The following CPZ variants were observed in gnomAD, a reference collection of about 807,000 sequenced individuals.
The protein encoded by CPZ is carboxypeptidase Z.
A neutral mutation model predicts 61.8 loss-of-function variants in CPZ; 103 were observed. The ratio of observed to expected loss-of-function variants is 1.67; its 90% confidence interval spans 1.42 to 1.96. CPZ has a LOEUF of 1.96. Among genes scored for constraint, CPZ ranks in the 30% most tolerant of loss-of-function variants. The pLI, the probability that CPZ is intolerant of heterozygous loss-of-function variation, is 0.00. For synonymous variants in CPZ, 551 were observed against 373.7 expected (o/e 1.47, Z -5.47); for missense variants, 1,461 against 914.9 (o/e 1.60, Z -7.70).
At chr4:8,618,551 C>T in intron 10 of CPZ, 23 bp downstream of exon 10, 1 of 1,606,922 alleles carries the variant, frequency 6.2e-7, no homozygotes, top group South Asian at 1.1e-5. Context: ...CTGGCTGTCC[C>T]CTGGGGACCA....
rs1488542181 is a variant in CPZ, at chr4:8,606,872, A to G, written c.1042A>G (p.Ile348Val). 2.5e-6 allele frequency: 4 copies of G among 1,612,672 alleles called. No homozygotes were observed. Among genetic ancestry groups the G allele is most frequent in the East Asian group, 2.2e-5 (1 of 44,844 alleles). The part of the protein sequence containing the change: ...TRGARSDHIP[I>V]PQHYWWGKVA... Reference sequence around the variant, plus strand: ...CGGCGCACGCAGCGACCACATCCCCATCCCCCAGCACTACTGGTGGGGTAA... The same window carrying G: ...CGGCGCACGCAGCGACCACATCCCCGTCCCCCAGCACTACTGGTGGGGTAA... The change falls in exon 6 of 11, where the codon ATC becomes GTC. Residue 348 changes from isoleucine (I) to valine (V), a missense_variant. Ile to Val is a conservative substitution (Grantham distance 29, BLOSUM62 3). Coordinates refer to ENST00000360986, the MANE Select transcript of CPZ (RefSeq NM_001014447.3).
chr4:8,611,869 T>C (rs1404818041), intron 7 of CPZ, among the ~76,000 whole-genome samples, 158 bp from the exon 8 acceptor site: 1 of 152,034 alleles, frequency 6.6e-6, no homozygotes, highest in Non-Finnish European at 1.5e-5. Context: ...CTGTGTCCTC[T>C]GCAGGACACC....
At chr4:8,599,395 C>T in intron 1 of CPZ, 58 bp from the exon 2 acceptor site, 3 of 1,540,558 alleles carry the variant, frequency 1.9e-6, no homozygotes, top group Admixed American at 1.9e-5. Context: ...CCGTGTGTTG[C>T]CCGGTGAGTG....
chr4:8,593,660 C>T (rs1257216905), intron 1 of CPZ, among the ~76,000 whole-genome samples: 2 of 152,100 alleles, frequency 1.3e-5, no homozygotes, highest in African/African-American at 2.4e-5. Flanking sequence ...GGAGTGGGGC[C>T]GTGTGTGGGT....
At chr4:8,594,775 CTTT>C (rs35276800) in intron 1 of CPZ, among the ~76,000 whole-genome samples, 59 of 141,756 alleles carry the variant, frequency 4.2e-4, no homozygotes, top group African/African-American at 3.9e-4. Flanking sequence ...ATAACAAATT[CTTT>C]TTTTTTTTTT....
At chr4:8,611,288 G>A in intron 7 of CPZ, 1 of 456,248 alleles carries the variant, frequency 2.2e-6, no homozygotes, top group Non-Finnish European at 4.4e-6. Flanking sequence ...GGGACTTACA[G>A]ACGGCCCAGA....
chr4:8,614,679 C>T (rs1716014815), intron 9 of CPZ, among the ~76,000 whole-genome samples, 181 bp downstream of exon 9: 1 of 152,200 alleles, frequency 6.6e-6, no homozygotes, highest in Non-Finnish European at 1.5e-5. Context: ...AGCCGGCTCT[C>T]CTTTGCGTGC....
intron 2 of CPZ, chr4:8,599,951 A>C: frequency 5.6e-6 from 1 of 177,508 alleles, no homozygotes; most frequent in African/African-American, 2.4e-5. Context: ...GAGCCAACCA[A>C]TGTGAAGTGC....
rs776364276 is a variant in CPZ, at chr4:8,619,368, G to A, written c.1710G>A (p.Arg570=). ...TCAAGAAAGTCATCATCCCCGCCCGGATGAAGAGGGCTGGCCGTGTGGACT... is the reference window on the plus strand; with the variant it reads ...TCAAGAAAGTCATCATCCCCGCCCGAATGAAGAGGGCTGGCCGTGTGGACT... The part of the protein sequence containing the change: ...KVIKKVIIPA[R]MKRAGRVDFI... The change falls in exon 11 of 11, where the codon CGG becomes CGA. Residue 570 remains arginine, a synonymous_variant. Coordinates refer to ENST00000360986, the MANE Select transcript of CPZ (RefSeq NM_001014447.3). 1.9e-6 allele frequency: 3 copies of A among 1,614,202 alleles called. No homozygotes were observed. Among genetic ancestry groups the A allele is most frequent in the Non-Finnish European group, 2.5e-6 (3 of 1,180,026 alleles).
At chr4:8,608,426 T>C (rs552966876) in intron 7 of CPZ, among the ~76,000 whole-genome samples, 1 of 152,294 alleles carries the variant, frequency 6.6e-6, no homozygotes, top group East Asian at 1.9e-4. Flanking sequence ...TTTGTTCTCC[T>C]TTCTGAGGCC....
chr4:8,619,185 C>G, intron 10 of CPZ, 77 bp from the exon 11 acceptor site: 1 of 1,312,442 alleles, frequency 7.6e-7, no homozygotes, highest in South Asian at 1.4e-5. Context: ...CCTCTCCCCA[C>G]TCATATCCAT....
intron 7 of CPZ, among the ~76,000 whole-genome samples, chr4:8,607,656 C>T (rs1715152747): frequency 6.6e-6 from 1 of 152,204 alleles, no homozygotes; most frequent in South Asian, 2.1e-4. Context: ...GCTGGCTGCA[C>T]TGTCTTTCAC....
intron 7 of CPZ, among the ~76,000 whole-genome samples, chr4:8,608,792 A>AGGGC (rs1339839529): frequency 2.2e-4 from 31 of 139,128 alleles, no homozygotes; most frequent in Non-Finnish European, 4.9e-4. Flanking sequence ...CAGGGCAGGG[A>AGGGC]GGGGCACTGG....
rs1423067027 is a variant in CPZ at position 8,604,093 on chromosome 4, C to T, written c.614C>T (p.Ala205Val). The T allele has an allele frequency of 6.2e-7, 1 of 1,608,110 alleles. No individual in the cohort carries two copies. ...CTGAGGCGGACGGCCTCCCGCTGCG[C>T]CCACGTGGCCAGGACCTACAGCATC... The part of the protein sequence containing the change: ...RVLRRTASRC[A>V]HVARTYSIGR... Residue 205 changes from alanine (A) to valine (V), a missense_variant, in exon 4 of 11, where the codon GCC becomes GTC. By Grantham distance (64) the Ala-to-Val change is moderately conservative. Coordinates refer to ENST00000360986, the MANE Select transcript of CPZ (RefSeq NM_001014447.3).
intron 1 of CPZ, among the ~76,000 whole-genome samples, chr4:8,594,590 C>T (rs564391347): frequency 1.8e-4 from 27 of 152,258 alleles, no homozygotes; most frequent in African/African-American, 6.0e-4. Context: ...GACGGGCTGT[C>T]ACTCCCCTGT....
chr4:8,605,408 GCATCCATCCACTCAT>G (rs1012208537), intron 4 of CPZ, among the ~76,000 whole-genome samples: 4 of 148,012 alleles, frequency 2.7e-5, no homozygotes, highest in African/African-American at 1.0e-4. Context: ...ATACATCCAT[GCATCCATCCACTCAT>G]CATCCATCCA....
chr4:8,614,703 G>A (rs1716017119), intron 9 of CPZ, among the ~76,000 whole-genome samples: 1 of 152,180 alleles, frequency 6.6e-6, no homozygotes, highest in African/African-American at 2.4e-5. Flanking sequence ...GTGGGTGCTG[G>A]GGTGGCGGTG....
chr4:8,607,490 GC>G, intron 7 of CPZ, 65 bp downstream of exon 7: 3 of 1,559,802 alleles, frequency 1.9e-6, no homozygotes, highest in East Asian at 2.3e-5. Context: ...TGGAGCTGGT[GC>G]CCCTCCAGTC....
At chr4:8,593,455 C>G (rs902081627) in intron 1 of CPZ, among the ~76,000 whole-genome samples, 1 of 152,128 alleles carries the variant, frequency 6.6e-6, no homozygotes, top group Non-Finnish European at 1.5e-5. Flanking sequence ...AGGGAATGGA[C>G]GCAGGGATCC....
Sources: allele counts gnomAD v4.1 joint callset (sites outside exome capture counted in the v4.1 genomes callset), GRCh38; gene constraint gnomAD v4.1.1; transcripts MANE v1.5; gene names NCBI Gene and HGNC (gene_info 2026-07-23, HGNC 2026-07-21).